The following IL17RB variants were observed in gnomAD, a reference collection of about 807,000 sequenced individuals.
IL17RB encodes interleukin 17 receptor B, also known as interleukin-17 receptor B.
Under a neutral mutation model 43.9 loss-of-function variants are expected in IL17RB, and 36 were observed. The ratio of observed to expected loss-of-function variants is 0.82; its 90% CI spans 0.63 to 1.08. The LOEUF (loss-of-function observed/expected upper bound fraction) is 1.08, where lower values mean the gene tolerates loss of function less well. Ranked by LOEUF, IL17RB falls within the 50% of genes least tolerant of loss-of-function variation. IL17RB has a pLI of 0.00. For missense variants in IL17RB, 613 were observed against 613.6 expected, an observed-to-expected ratio of 1.00 and a Z score of 0.01; for synonymous variants, 225 against 225.4, an observed-to-expected ratio of 1.00 and a Z score of 0.02.
chr3:53,864,403 C>T (rs965986122), intron 10 of IL17RB, among the ~76,000 whole-genome samples: 13 of 152,138 alleles, frequency 8.5e-5, no homozygotes, highest in South Asian at 6.2e-4. Context: ...GGCGTGGTGG[C>T]GGGCGCCTGT....
At chr3:53,855,212 G>T in intron 5 of IL17RB, 82 bp from the exon 6 acceptor site, 3 of 816,794 alleles carry the variant, frequency 3.7e-6, no homozygotes, top group Non-Finnish European at 6.3e-6. Context: ...TGTGGTATGC[G>T]TATGTGTGTG....
intron 10 of IL17RB, chr3:53,861,667 T>C (rs1042732056): frequency 1.3e-5 from 2 of 152,126 alleles, no homozygotes; most frequent in Non-Finnish European, 2.9e-5. Context: ...CAGTAAAGGA[T>C]GGTTTGATAA....
chr3:53,850,020 C>T (rs1416803904), intron 3 of IL17RB, among the ~76,000 whole-genome samples: 2 of 152,200 alleles, frequency 1.3e-5, no homozygotes, highest in Non-Finnish European at 2.9e-5. Context: ...AGATAAATTC[C>T]GTCACAGCAA....
intron 6 of IL17RB, among the ~76,000 whole-genome samples, chr3:53,855,965 TGC>T (rs1410872085): frequency 1.3e-5 from 2 of 152,214 alleles, no homozygotes; most frequent in African/African-American, 4.8e-5. Flanking sequence ...AGTGTTGGAA[TGC>T]TAATGAGGCT....
At chr3:53,860,793 T>A (rs1699536688) in intron 10 of IL17RB, 1 of 152,208 alleles carries the variant, frequency 6.6e-6, no homozygotes, top group Non-Finnish European at 1.5e-5. Context: ...AGGTATGTCA[T>A]AAATGCAGAA....
intron 1 of IL17RB, among the ~76,000 whole-genome samples, chr3:53,847,569 G>T (rs1274968628): frequency 6.6e-6 from 1 of 152,076 alleles, no homozygotes; most frequent in Admixed American, 6.5e-5. Flanking sequence ...TGAGGCGGCC[G>T]GATTGCCTGA....
intron 3 of IL17RB, among the ~76,000 whole-genome samples, chr3:53,850,102 A>C (rs768469779): frequency 1.3e-5 from 2 of 152,214 alleles, no homozygotes; most frequent in Non-Finnish European, 2.9e-5. Flanking sequence ...GATTCAAAAG[A>C]GTTTGTACAT....
intron 2 of IL17RB, among the ~76,000 whole-genome samples, chr3:53,849,419 T>G (rs977728664): frequency 3.3e-5 from 5 of 152,052 alleles, no homozygotes; most frequent in Non-Finnish European, 5.9e-5. Flanking sequence ...CTTATACCTA[T>G]AATCCAAGCA....
At chr3:53,855,581 A>G (rs1377826827) in intron 6 of IL17RB, among the ~76,000 whole-genome samples, 1 of 152,180 alleles carries the variant, frequency 6.6e-6, no homozygotes, top group African/African-American at 2.4e-5. Flanking sequence ...TAGTGGAGCA[A>G]CAGTCACAAA....
chr3:53,865,346 A>ACAGGTTTT lies in IL17RB; in HGVS notation c.*38_*39insCAGGTTTT. The ACAGGTTTT allele has an allele frequency of 6.6e-7, 1 of 1,504,264 alleles. No homozygotes were observed. Among genetic ancestry groups the ACAGGTTTT allele is most frequent in the Non-Finnish European group, 9.0e-7 (1 of 1,115,504 alleles). The allele number at this position is 1,504,264 out of a possible 1,614,324, so 93.2% of individuals were successfully genotyped here. ...AAGCAAGAGACCTTAAAGGCTTCCT[A>ACAGGTTTT]TCCCACCAATTACAGGGAAAAAACG... is the stretch of plus-strand genomic sequence containing the variant. On this transcript the variant is annotated 3_prime_UTR_variant, in exon 11 of 11. Coordinates refer to ENST00000288167, the MANE Select transcript of IL17RB (RefSeq NM_018725.4).
In IL17RB at chr3:53,856,844, G is replaced by A. The variant is rs762543600; in HGVS notation, c.530G>A (p.Gly177Glu). ...TACATGGTTCTCTCTCAACTCACAG[G>A]AAGCCTGTGGGATCCGAACATCACT... Reference protein sequence around the residue: ...MKYKKKCVKAGSLWDPNITAC... With the variant: ...MKYKKKCVKAESLWDPNITAC... The change falls in exon 7 of 11, where the codon GGA (glycine) becomes GAA (glutamate). Residue 177 changes from glycine (G) to glutamate (E), a missense_variant and splice_region_variant. Transcript: ENST00000288167. 1.9e-6 allele frequency: 3 copies of A among 1,614,018 alleles called. No individual in the cohort carries two copies. The African/African-American group carries it at 4.0e-5, about 22-fold the overall frequency.
chr3:53,864,484 G>A (rs1439287964), intron 10 of IL17RB, among the ~76,000 whole-genome samples: 2 of 152,080 alleles, frequency 1.3e-5, no homozygotes, highest in African/African-American at 4.8e-5. Flanking sequence ...GTAGTCAGCC[G>A]AGGTCACGCC....
intron 7 of IL17RB, among the ~76,000 whole-genome samples, chr3:53,857,415 T>C (rs1050156218): frequency 3.3e-5 from 5 of 152,154 alleles, no homozygotes; most frequent in African/African-American, 1.2e-4. Flanking sequence ...CCTCCCCAGA[T>C]AGCTGGGATT....
intron 5 of IL17RB, among the ~76,000 whole-genome samples, chr3:53,854,136 A>G (rs1699252166): frequency 6.6e-6 from 1 of 152,162 alleles, no homozygotes; most frequent in Non-Finnish European, 1.5e-5. Flanking sequence ...ACCTCGGGTG[A>G]TCTGCCTACC....
chr3:53,848,591 C>T, intron 1 of IL17RB, 73 bp from the exon 2 acceptor site: 1 of 1,431,162 alleles, frequency 7.0e-7, no homozygotes, highest in Non-Finnish European at 9.9e-7. Flanking sequence ...AAATGGTGTT[C>T]TGCCTAATTT....
intron 10 of IL17RB, among the ~76,000 whole-genome samples, chr3:53,862,937 C>T (rs571140167): frequency 8.5e-5 from 13 of 152,282 alleles, no homozygotes; most frequent in African/African-American, 1.7e-4. Flanking sequence ...CCTCTTCCAC[C>T]GCTTCTGCCT....
chr3:53,851,094 C>T (rs1370460731), intron 3 of IL17RB, among the ~76,000 whole-genome samples: 2 of 152,226 alleles, frequency 1.3e-5, no homozygotes, highest in African/African-American at 2.4e-5. Flanking sequence ...CGTCACGAAG[C>T]TTTTGGCATT....
At chr3:53,861,412 T>C (rs961648805) in intron 10 of IL17RB, 12 of 152,088 alleles carry the variant, frequency 7.9e-5, no homozygotes, top group African/African-American at 2.9e-4. Flanking sequence ...GTAAGGACCA[T>C]AGTCAAAAAA....
intron 7 of IL17RB, 29 bp downstream of exon 7, chr3:53,857,015 C>A (rs914000333): frequency 6.2e-7 from 1 of 1,611,370 alleles, no homozygotes; most frequent in African/African-American, 1.3e-5. Context: ...CCCTTCACCT[C>A]GTCCTCCAGC....
Sources: allele counts gnomAD v4.1 joint callset (sites outside exome capture counted in the v4.1 genomes callset), GRCh38; gene constraint gnomAD v4.1.1; transcripts MANE v1.5; gene names NCBI Gene and HGNC (gene_info 2026-07-23, HGNC 2026-07-21).